PSTPIP2: variants seen among roughly 807,000 people sequenced by gnomAD.
PSTPIP2 encodes proline-serine-threonine phosphatase-interacting protein 2.
In PSTPIP2, 33 loss-of-function variants were observed where a neutral mutation model predicts 63.3. The observed-to-expected ratio is 0.52, with a 90% CI of 0.40 to 0.70. The LOEUF (loss-of-function observed/expected upper bound fraction) is 0.70. Ranked by LOEUF, PSTPIP2 falls within the 30% of genes least tolerant of loss-of-function variation. The pLI is 0.00. For missense variants in PSTPIP2, 312 were observed against 400.7 expected, an observed-to-expected ratio of 0.78 and a Z score of 1.89; for synonymous variants, 125 against 132.7, an observed-to-expected ratio of 0.94 and a Z score of 0.40.
intron 10 of PSTPIP2, 97 bp from the exon 11 acceptor site, chr18:45,992,299 ATG>A: frequency 9.9e-7 from 1 of 1,005,376 alleles, no homozygotes; most frequent in Non-Finnish European, 1.5e-6. Flanking sequence ...GCAGTGGCTC[ATG>A]TCTGTAATCC....
At chr18:46,058,574 T>C (rs1568232274) in intron 1 of PSTPIP2, among the ~76,000 whole-genome samples, 1 of 152,126 alleles carries the variant, frequency 6.6e-6, no homozygotes, top group African/African-American at 2.4e-5. Flanking sequence ...TTGGCCAGGC[T>C]GGTCTCAAAC....
chr18:46,070,948 A>T (rs1309301914), intron 1 of PSTPIP2, among the ~76,000 whole-genome samples: 2 of 151,866 alleles, frequency 1.3e-5, no homozygotes, highest in Non-Finnish European at 2.9e-5. Context: ...CCTTTTTCCC[A>T]CAGTGCCTGC....
At chr18:46,019,767 C>T (rs1243504431) in intron 3 of PSTPIP2, among the ~76,000 whole-genome samples, 1 of 152,164 alleles carries the variant, frequency 6.6e-6, no homozygotes, top group African/African-American at 2.4e-5. Flanking sequence ...CACCACTGCA[C>T]TCCAGCCTGG....
At chr18:45,998,222 G>A (rs1306781495) in intron 8 of PSTPIP2, among the ~76,000 whole-genome samples, 1 of 152,224 alleles carries the variant, frequency 6.6e-6, no homozygotes, top group Non-Finnish European at 1.5e-5. Flanking sequence ...GGGGCACCAA[G>A]TTACTTTAGT....
At chr18:45,990,870 G>A in intron 12 of PSTPIP2, 114 bp from the exon 13 acceptor site, 2 of 825,154 alleles carry the variant, frequency 2.4e-6, no homozygotes, top group Non-Finnish European at 3.7e-6. Flanking sequence ...CTGCACTGGA[G>A]GGTCAAGAAA....
chr18:46,069,086 A>G (rs1909300212), intron 1 of PSTPIP2, among the ~76,000 whole-genome samples: 1 of 152,184 alleles, frequency 6.6e-6, no homozygotes, highest in Non-Finnish European at 1.5e-5. Flanking sequence ...CCCAGGAAAA[A>G]TAAGTATCTA....
At chr18:46,045,595 G>A (rs1908355858) in intron 1 of PSTPIP2, among the ~76,000 whole-genome samples, 1 of 151,978 alleles carries the variant, frequency 6.6e-6, no homozygotes, top group Non-Finnish European at 1.5e-5. Flanking sequence ...ACACCAGCAT[G>A]TCACATGTAT....
intron 2 of PSTPIP2, among the ~76,000 whole-genome samples, chr18:46,034,721 T>C (rs899368978): frequency 1.3e-5 from 2 of 152,202 alleles, no homozygotes; most frequent in Non-Finnish European, 2.9e-5. Context: ...TATCTACCGC[T>C]TATTAGCTGT....
At chr18:46,062,128 G>A (rs376453724) in intron 1 of PSTPIP2, among the ~76,000 whole-genome samples, 2 of 152,138 alleles carry the variant, frequency 1.3e-5, no homozygotes, top group South Asian at 4.1e-4. Flanking sequence ...CCTTTAGAAG[G>A]CATGTGCTTC....
At position 45,993,719 on chromosome 18, in the gene PSTPIP2, T is replaced by C. The variant is rs2051562700; in HGVS notation, c.643-16A>G. Reference sequence around the variant, plus strand: ...CCTCAAATGCCTACAGAAAAATAGCTACGTGTACATAGATATGCAAGGAAA... The same window carrying C: ...CCTCAAATGCCTACAGAAAAATAGCCACGTGTACATAGATATGCAAGGAAA... On this transcript the variant is annotated splice_polypyrimidine_tract_variant and intron_variant, in intron 9 of 14. Transcript: ENST00000409746. 1 of 1,600,574 alleles carries C rather than the reference T, an allele frequency of 6.2e-7. No homozygotes were observed. Among genetic ancestry groups the C allele is most frequent in the Non-Finnish European group, 8.6e-7 (1 of 1,167,772 alleles).
chr18:46,071,385 G>T (rs1477798768), intron 1 of PSTPIP2, among the ~76,000 whole-genome samples: 1 of 152,226 alleles, frequency 6.6e-6, no homozygotes, highest in East Asian at 1.9e-4. Context: ...CCTGGGGAGT[G>T]AGAGGACAGA....
chr18:46,024,553 G>A (rs905101815), intron 3 of PSTPIP2, 56 bp downstream of exon 3: 1 of 1,433,966 alleles, frequency 7.0e-7, no homozygotes, highest in African/African-American at 1.4e-5. Context: ...CTGAAGCGAG[G>A]GAGCTCCCAG....
At chr18:45,994,414 A>G (rs1447192647) in intron 9 of PSTPIP2, among the ~76,000 whole-genome samples, 1 of 152,192 alleles carries the variant, frequency 6.6e-6, no homozygotes, top group Non-Finnish European at 1.5e-5. Context: ...TATGAGGAGA[A>G]AAGGATGGGG....
chr18:45,995,267 A>G (rs1365093733), intron 9 of PSTPIP2, among the ~76,000 whole-genome samples: 1 of 151,990 alleles, frequency 6.6e-6, no homozygotes, highest in African/African-American at 2.4e-5. Context: ...ATGCCCGGCT[A>G]ATTTTTATAT....
chr18:46,066,031 A>C (rs916656568), intron 1 of PSTPIP2, among the ~76,000 whole-genome samples: 1 of 152,186 alleles, frequency 6.6e-6, no homozygotes, highest in East Asian at 1.9e-4. Flanking sequence ...TAATAACCTT[A>C]ATTTTATGTT....
intron 2 of PSTPIP2, chr18:46,028,157 T>A (rs761132213): frequency 5.5e-5 from 18 of 324,774 alleles, no homozygotes; most frequent in Admixed American, 9.5e-5. Context: ...TGAGACAGTG[T>A]CTCAAAAAGA....
chr18:46,008,684 C>T (rs2051759656), intron 5 of PSTPIP2, among the ~76,000 whole-genome samples: 1 of 152,202 alleles, frequency 6.6e-6, no homozygotes, highest in Non-Finnish European at 1.5e-5. Context: ...GCTCTCCACA[C>T]AGGCAGCACG....
chr18:46,011,740 G>A (rs1223489010), intron 4 of PSTPIP2, among the ~76,000 whole-genome samples: 1 of 152,174 alleles, frequency 6.6e-6, no homozygotes, highest in Admixed American at 6.5e-5. Flanking sequence ...TTATCTCTGG[G>A]TAGAAAGATT....
chr18:45,994,313 T>C (rs760423754), intron 9 of PSTPIP2, among the ~76,000 whole-genome samples: 5 of 152,258 alleles, frequency 3.3e-5, no homozygotes, highest in Non-Finnish European at 7.3e-5. Context: ...TACATCAGTG[T>C]ATTTTTAAAA....
Sources: allele counts gnomAD v4.1 joint callset (sites outside exome capture counted in the v4.1 genomes callset), GRCh38; gene constraint gnomAD v4.1.1; transcripts MANE v1.5; gene names NCBI Gene and HGNC (gene_info 2026-07-23, HGNC 2026-07-21).